The following ZDHHC20 variants were observed in gnomAD, a reference collection of about 807,000 sequenced individuals.
ZDHHC20 encodes palmitoyltransferase ZDHHC20.
A neutral mutation model predicts 57.8 loss-of-function variants in ZDHHC20; 43 were observed. The ratio of observed to expected loss-of-function variants is 0.74; its 90% CI spans 0.58 to 0.96. ZDHHC20 has a LOEUF of 0.96. Ranked by LOEUF, ZDHHC20 falls within the 40% of genes least tolerant of loss-of-function variation. The probability of loss-of-function intolerance (pLI) is 0.00; values close to 1 mark genes in which losing one functional copy is unlikely to be tolerated. For synonymous variants in ZDHHC20, 157 were observed against 153.0 expected (o/e 1.03, Z -0.19); for missense variants, 391 against 441.1 (o/e 0.89, Z 1.02).
chr13:21,443,758 T>C (rs1883411134), intron 1 of ZDHHC20, among the ~76,000 whole-genome samples: 1 of 152,246 alleles, frequency 6.6e-6, no homozygotes, highest in Non-Finnish European at 1.5e-5. Context: ...TACCATTTCC[T>C]GGGGTCCTTC....
chr13:21,459,032 A>T, intron 1 of ZDHHC20, 22 bp downstream of exon 1: 1 of 1,556,930 alleles, frequency 6.4e-7, no homozygotes, highest in African/African-American at 1.4e-5. Context: ...GCCCCGCCGC[A>T]GTCCCCGGGG....
intron 10 of ZDHHC20, among the ~76,000 whole-genome samples, chr13:21,382,617 G>C (rs1320989737): frequency 6.6e-6 from 1 of 152,058 alleles, no homozygotes; most frequent in Non-Finnish European, 1.5e-5. Context: ...AATCTTGAAA[G>C]GTCTTAGTTG....
chr13:21,392,845 T>G (rs1875993803), intron 7 of ZDHHC20, among the ~76,000 whole-genome samples: 1 of 152,196 alleles, frequency 6.6e-6, no homozygotes. Context: ...TTTCAAATGT[T>G]TCAAACATAT....
At chr13:21,425,340 A>G (rs1358233235) in intron 2 of ZDHHC20, among the ~76,000 whole-genome samples, 2 of 152,214 alleles carry the variant, frequency 1.3e-5, no homozygotes, top group Non-Finnish European at 2.9e-5. Context: ...TATTAAAAAA[A>G]TCTAAATAAA....
At position 21,374,389 on chromosome 13, in the gene ZDHHC20, C is replaced by T. The variant is rs1871694881; in HGVS notation, c.*2307G>A. 1 of 455,596 alleles carries T rather than the reference C, an allele frequency of 2.2e-6. No homozygotes were observed. The highest frequency in any genetic ancestry group is 4.4e-6 in the Non-Finnish European group (1 of 226,510). 28.2% of individuals were successfully genotyped at this position (455,596 alleles called of 1,614,324 possible). A position where few individuals can be genotyped will look rare whatever the true frequency, so the allele number is the denominator to read the frequency against. On this transcript the variant is annotated 3_prime_UTR_variant, in exon 13 of 13. Coordinates refer to ENST00000400590, the MANE Select transcript of ZDHHC20 (RefSeq NM_001330059.2). ...ACAGGCGTGTGCCACCATGCCTGGA[C>T]AGTTTTGGGGTTTTTTTGTATTTTT... is the stretch of plus-strand genomic sequence containing the variant.
At chr13:21,378,840 T>C (rs1426615495) in intron 11 of ZDHHC20, 102 bp from the exon 12 acceptor site, 57 of 591,282 alleles carry the variant, frequency 9.6e-5, no homozygotes, top group Non-Finnish European at 2.6e-6. Context: ...GACTATCATG[T>C]AAATACAAAA....
intron 1 of ZDHHC20, among the ~76,000 whole-genome samples, chr13:21,457,991 T>C (rs1459685349): frequency 6.6e-6 from 1 of 152,222 alleles, no homozygotes; most frequent in Non-Finnish European, 1.5e-5. Flanking sequence ...TAGGTTTTCA[T>C]AAAAAATTGA....
intron 3 of ZDHHC20, 49 bp downstream of exon 3, chr13:21,421,012 A>G: frequency 6.7e-7 from 1 of 1,488,240 alleles, no homozygotes; most frequent in Non-Finnish European, 9.3e-7. Context: ...GGGAAAAAAA[A>G]TTCCATAATC....
At chr13:21,418,585 C>T (rs1880279256) in intron 3 of ZDHHC20, among the ~76,000 whole-genome samples, 1 of 152,066 alleles carries the variant, frequency 6.6e-6, no homozygotes, top group South Asian at 2.1e-4. Context: ...TAAGGAAAGT[C>T]TCCAAAGTCA....
intron 1 of ZDHHC20, among the ~76,000 whole-genome samples, chr13:21,438,337 G>A (rs1460220827): frequency 6.6e-6 from 1 of 152,138 alleles, no homozygotes; most frequent in Non-Finnish European, 1.5e-5. Flanking sequence ...GTTTTTCATG[G>A]GAGGAGGTCA....
At chr13:21,444,323 T>C (rs955482866) in intron 1 of ZDHHC20, among the ~76,000 whole-genome samples, 4 of 152,082 alleles carry the variant, frequency 2.6e-5, no homozygotes, top group Admixed American at 1.3e-4. Flanking sequence ...AGAGATAAAT[T>C]GGCGTGCTAA....
At chr13:21,393,986 T>C (rs999480733) in intron 7 of ZDHHC20, among the ~76,000 whole-genome samples, 1 of 152,232 alleles carries the variant, frequency 6.6e-6, no homozygotes, top group East Asian at 1.9e-4. Flanking sequence ...GCTTCTACCT[T>C]ATTCCAGCCG....
intron 1 of ZDHHC20, among the ~76,000 whole-genome samples, chr13:21,458,682 G>C (rs541194648): frequency 1.3e-5 from 2 of 152,188 alleles, no homozygotes; most frequent in African/African-American, 4.8e-5. Flanking sequence ...ATGAACAAAA[G>C]CCAAAAAAGC....
chr13:21,399,185 A>C (rs1430227949), intron 7 of ZDHHC20, among the ~76,000 whole-genome samples: 2 of 152,030 alleles, frequency 1.3e-5, no homozygotes, highest in Admixed American at 6.6e-5. Flanking sequence ...TCTACTAAAA[A>C]TACAAAAATT....
At chr13:21,427,687 T>G (rs1292009620) in intron 1 of ZDHHC20, among the ~76,000 whole-genome samples, 2 of 151,778 alleles carry the variant, frequency 1.3e-5, no homozygotes, top group African/African-American at 4.8e-5. Context: ...ATGCAAAAAT[T>G]AGCCAGGCAT....
chr13:21,428,008 G>C (rs989020216), intron 1 of ZDHHC20, among the ~76,000 whole-genome samples: 3 of 152,044 alleles, frequency 2.0e-5, no homozygotes, highest in Admixed American at 6.5e-5. Flanking sequence ...ACAGTTCATA[G>C]TTCCTCCTAG....
intron 1 of ZDHHC20, among the ~76,000 whole-genome samples, chr13:21,429,271 C>T (rs1881644972): frequency 6.6e-6 from 1 of 152,164 alleles, no homozygotes; most frequent in Non-Finnish European, 1.5e-5. Flanking sequence ...GAGAAAGAAG[C>T]TCTATTATTT....
intron 4 of ZDHHC20, among the ~76,000 whole-genome samples, chr13:21,410,250 C>A (rs566281402): frequency 2.0e-5 from 3 of 152,314 alleles, no homozygotes; most frequent in African/African-American, 7.2e-5. Flanking sequence ...CTGCTCCTTC[C>A]TCTGGAAGCT....
intron 1 of ZDHHC20, among the ~76,000 whole-genome samples, chr13:21,446,398 G>A (rs535406886): frequency 6.6e-6 from 1 of 152,276 alleles, no homozygotes; most frequent in East Asian, 1.9e-4. Flanking sequence ...CATGCAATTA[G>A]TTTTAAAAGC....
Sources: gnomAD v4.1 joint callset for allele counts (sites outside exome capture counted in the v4.1 genomes callset) on GRCh38, gnomAD v4.1.1 for gene constraint, MANE v1.5 for transcripts, NCBI Gene and HGNC (gene_info 2026-07-23, HGNC 2026-07-21) for gene names.